The following ADAMTSL1 variants were observed in gnomAD, a reference collection of about 807,000 sequenced individuals.
ADAMTSL1 encodes ADAMTS-like protein 1.
Under a neutral mutation model 201.8 loss-of-function variants are expected in ADAMTSL1, and 126 were observed. That is an observed-to-expected ratio of 0.62 (90% CI 0.54 to 0.72). ADAMTSL1 has a LOEUF of 0.72. Among genes scored for constraint, ADAMTSL1 ranks in the 30% least tolerant of loss-of-function variants. The probability of loss-of-function intolerance (pLI) is 0.00; values close to 1 mark genes in which losing one functional copy is unlikely to be tolerated. For missense variants in ADAMTSL1, 2,679 were observed against 2,277.8 expected (o/e 1.18, Z -3.59); for synonymous variants, 1,121 against 903.4 (o/e 1.24, Z -4.32).
intron 1 of ADAMTSL1, among the ~76,000 whole-genome samples, chr9:18,102,206 A>T (rs920857680): frequency 3.3e-5 from 5 of 152,128 alleles, no homozygotes; most frequent in Admixed American, 6.5e-5. Context: ...CATACATTCA[A>T]ATTTCTTTGA....
intron 2 of ADAMTSL1, among the ~76,000 whole-genome samples, chr9:18,405,686 A>G (rs1183896007): frequency 6.6e-6 from 1 of 152,084 alleles, no homozygotes; most frequent in Non-Finnish European, 1.5e-5. Context: ...TAAAACTATT[A>G]TGATGGTTCC....
intron 2 of ADAMTSL1, among the ~76,000 whole-genome samples, chr9:18,439,490 C>T (rs1819899973): frequency 6.6e-6 from 1 of 152,114 alleles, no homozygotes; most frequent in Non-Finnish European, 1.5e-5. Context: ...CCTCAGCCTC[C>T]CGAGTAGCTG....
intron 3 of ADAMTSL1, 108 bp downstream of exon 3, chr9:18,533,400 GAGT>G: frequency 1.2e-6 from 1 of 851,838 alleles, no homozygotes; most frequent in Non-Finnish European, 1.8e-6. Flanking sequence ...ATTTCACTGA[GAGT>G]TTTTATCTCA....
At chr9:18,785,867 C>T (rs1821680493) in intron 19 of ADAMTSL1, among the ~76,000 whole-genome samples, 2 of 152,210 alleles carry the variant, frequency 1.3e-5, no homozygotes, top group African/African-American at 4.8e-5. Context: ...ATTGGCACTG[C>T]ACATTGGATT....
intron 2 of ADAMTSL1, among the ~76,000 whole-genome samples, chr9:18,368,108 G>A (rs1240222072): frequency 6.6e-6 from 1 of 151,718 alleles, no homozygotes; most frequent in African/African-American, 2.4e-5. Context: ...ATAGAGATGG[G>A]GTTTCGCCGT....
At chr9:18,658,740 A>G (rs189932816) in intron 8 of ADAMTSL1, among the ~76,000 whole-genome samples, 1 of 152,368 alleles carries the variant, frequency 6.6e-6, no homozygotes, top group Non-Finnish European at 1.5e-5. Context: ...TGTTTACATA[A>G]TAATTGCATT....
chr9:18,339,598 T>C (rs996824917), intron 2 of ADAMTSL1, among the ~76,000 whole-genome samples: 12 of 152,156 alleles, frequency 7.9e-5, no homozygotes, highest in African/African-American at 2.9e-4. Flanking sequence ...GCAATCCCAT[T>C]TTTGGGTACA....
intron 1 of ADAMTSL1, among the ~76,000 whole-genome samples, chr9:18,064,466 C>A (rs1822603846): frequency 6.6e-6 from 1 of 152,154 alleles, no homozygotes; most frequent in Non-Finnish European, 1.5e-5. Context: ...TTCCAAAAGG[C>A]TATCTATAGG....
At chr9:18,880,233 T>G (rs1035901712) in intron 23 of ADAMTSL1, among the ~76,000 whole-genome samples, 1 of 152,200 alleles carries the variant, frequency 6.6e-6, no homozygotes, top group Non-Finnish European at 1.5e-5. Flanking sequence ...TGTTGGTATT[T>G]TGACCTCCTC....
chr9:18,267,377 C>T (rs917233329), intron 2 of ADAMTSL1, among the ~76,000 whole-genome samples: 1 of 152,114 alleles, frequency 6.6e-6, no homozygotes, highest in African/African-American at 2.4e-5. Flanking sequence ...AGCTGGTAAA[C>T]ACAGGACCTG....
intron 2 of ADAMTSL1, among the ~76,000 whole-genome samples, chr9:18,297,191 T>C (rs1053740958): frequency 6.6e-6 from 1 of 152,164 alleles, no homozygotes; most frequent in South Asian, 2.1e-4. Context: ...GTGCAGTCTG[T>C]GTAATGCTGC....
chr9:18,214,026 C>A (rs1218317313), intron 2 of ADAMTSL1, among the ~76,000 whole-genome samples: 1 of 152,108 alleles, frequency 6.6e-6, no homozygotes, highest in Non-Finnish European at 1.5e-5. Context: ...CATGAGCCAC[C>A]GCCCCTCGCC....
intron 8 of ADAMTSL1, among the ~76,000 whole-genome samples, chr9:18,659,039 C>G (rs1248946348): frequency 1.3e-5 from 2 of 152,128 alleles, no homozygotes; most frequent in Non-Finnish European, 2.9e-5. Flanking sequence ...TATTGTTTTT[C>G]TAACGTAATG....
intron 15 of ADAMTSL1, among the ~76,000 whole-genome samples, chr9:18,742,919 A>G (rs1345323014): frequency 1.3e-5 from 2 of 151,930 alleles, no homozygotes; most frequent in African/African-American, 4.9e-5. Context: ...GATCTTGACC[A>G]CCACAAGGAG....
intron 4 of ADAMTSL1, among the ~76,000 whole-genome samples, chr9:18,614,258 G>C (rs1825566012): frequency 6.6e-6 from 1 of 152,038 alleles, no homozygotes; most frequent in Non-Finnish European, 1.5e-5. Flanking sequence ...CCAGGTGTGG[G>C]GAGGATGTGT....
intron 2 of ADAMTSL1, among the ~76,000 whole-genome samples, chr9:18,306,193 C>A (rs1357428432): frequency 6.6e-6 from 1 of 152,076 alleles, no homozygotes; most frequent in Non-Finnish European, 1.5e-5. Flanking sequence ...CGAAGATCAC[C>A]AACATCAAAG....
At position 18,639,279 on chromosome 9, in the gene ADAMTSL1, G is replaced by A. The variant is rs781322020; in HGVS notation, c.702G>A (p.Gly234=). 1.4e-5 allele frequency: 23 copies of A among 1,612,764 alleles called. No homozygotes were observed. Among genetic ancestry groups the A allele is most frequent in the Non-Finnish European group, 1.7e-5 (20 of 1,179,264 alleles). Residue 234 remains glycine, a synonymous_variant, in exon 7 of 29, where the codon GGG becomes GGA. Coordinates refer to ENST00000380548, the MANE Select transcript of ADAMTSL1 (RefSeq NM_001040272.6). ...HLYLETKTLQ[G]TKGENSLSST... Reference sequence around the variant, plus strand: ...ATCTGGAAACCAAAACCCTCCAGGGGACTAAAGGTGAAAACAGTCTCAGCT... The same window carrying A: ...ATCTGGAAACCAAAACCCTCCAGGGAACTAAAGGTGAAAACAGTCTCAGCT...
chr9:18,726,167 C>T (rs892245229), intron 15 of ADAMTSL1, among the ~76,000 whole-genome samples: 1 of 152,140 alleles, frequency 6.6e-6, no homozygotes, highest in African/African-American at 2.4e-5. Context: ...AAATTCAGGA[C>T]TTAAATTTTA....
At chr9:18,060,989 A>G (rs1287439285) in intron 1 of ADAMTSL1, among the ~76,000 whole-genome samples, 1 of 152,190 alleles carries the variant, frequency 6.6e-6, no homozygotes, top group Non-Finnish European at 1.5e-5. Flanking sequence ...ATGAGAACAT[A>G]ATGCTACCTG....
Sources: allele counts gnomAD v4.1 joint callset (sites outside exome capture counted in the v4.1 genomes callset), GRCh38; gene constraint gnomAD v4.1.1; transcripts MANE v1.5; gene names NCBI Gene and HGNC (gene_info 2026-07-23, HGNC 2026-07-21).